Variants in SFT2D2 observed in about 807,000 individuals in gnomAD.
The protein encoded by SFT2D2 is vesicle transport protein SFT2B.
A neutral mutation model predicts 27.4 loss-of-function variants in SFT2D2; 21 were observed. That is an observed-to-expected ratio of 0.77 (90% confidence interval 0.54 to 1.10). The LOEUF (loss-of-function observed/expected upper bound fraction) is 1.10. Among genes scored for constraint, SFT2D2 ranks in the 50% least tolerant of loss-of-function variants. The pLI is 0.00. For synonymous variants in SFT2D2, 72 were observed against 71.7 expected, an observed-to-expected ratio of 1.00 and a Z score of -0.02; for missense variants, 187 against 194.2, an observed-to-expected ratio of 0.96 and a Z score of 0.22.
At chr1:168,235,999 G>A (rs1428594240) in intron 4 of SFT2D2, among the ~76,000 whole-genome samples, 1 of 152,226 alleles carries the variant, frequency 6.6e-6, no homozygotes, top group African/African-American at 2.4e-5. Flanking sequence ...TATTTGAGTA[G>A]TTATTGTTAT....
At chr1:168,237,841 A>G (rs537400662) in intron 6 of SFT2D2, among the ~76,000 whole-genome samples, 20 of 148,026 alleles carry the variant, frequency 1.4e-4, no homozygotes, top group African/African-American at 4.5e-4. Flanking sequence ...GTTTGTGTTT[A>G]TGTGTGTGTG....
In SFT2D2 at chr1:168,244,202, GAGT is replaced by G. The variant is rs1647735193; in HGVS notation, c.*1663_*1665del. 1 of 151,510 alleles carries G rather than the reference GAGT, an allele frequency of 6.6e-6. No homozygotes were observed. The highest frequency in any genetic ancestry group is 1.9e-4 in the East Asian group (1 of 5,168). 9.4% of individuals were successfully genotyped at this position (151,510 alleles called of 1,614,324 possible). A position where few individuals can be genotyped will look rare whatever the true frequency, so the allele number is the denominator to read the frequency against. On this transcript the variant is annotated 3_prime_UTR_variant, in exon 8 of 8. Coordinates refer to ENST00000271375, the MANE Select transcript of SFT2D2 (RefSeq NM_199344.3). ...TTTTTTTTTTTTTCTTTTTGAGATG[GAGT>G]CTCACTCCGTCGCCCAGGCTGGAGT...
rs1450883099 is a variant in SFT2D2 at position 168,248,533 on chromosome 1, TCAATAC to T, written c.*5995_*6000del. On this transcript the variant is annotated 3_prime_UTR_variant, in exon 8 of 8. Coordinates refer to ENST00000271375, the MANE Select transcript of SFT2D2 (RefSeq NM_199344.3). ...TCTTCTTATTTTGAGATGCGTTCCA[TCAATAC>T]CTGGTTTATTGAGAGTTTTTAGCAT... The T allele has an allele frequency of 6.6e-6, 1 of 152,230 alleles. No individual in the cohort carries two copies. The highest frequency in any genetic ancestry group is 2.4e-5 in the African/African-American group (1 of 41,458). The allele number at this position is 152,230 out of a possible 1,614,324, so 9.4% of individuals were successfully genotyped here.
chr1:168,231,488 A>G (rs543178280), intron 1 of SFT2D2, 26 bp from the exon 2 acceptor site: 16 of 1,549,960 alleles, frequency 1.0e-5, no homozygotes, highest in Non-Finnish European at 1.4e-5. Context: ...GTGTGTGTAT[A>G]TGTATTTTTT....
Position 168,246,503 on chromosome 1 carries a change from T to A in SFT2D2, c.*3963T>A, listed in dbSNP as rs964281876. On this transcript the variant is annotated 3_prime_UTR_variant, in exon 8 of 8. Transcript: ENST00000271375. ...TTTTCTTTCAGAGCCTCTCTTGTGT[T>A]ATGGAGCTCAGTTTTGAGGCACCTG... 1 of 1,464,688 alleles carries A rather than the reference T, an allele frequency of 6.8e-7. No individual in the cohort carries two copies. The highest frequency in any genetic ancestry group is 1.4e-5 in the African/African-American group (1 of 71,582). 90.7% of individuals were successfully genotyped at this position (1,464,688 alleles called of 1,614,324 possible).
chr1:168,234,414 A>C (rs1008550352), intron 3 of SFT2D2, among the ~76,000 whole-genome samples: 3 of 147,758 alleles, frequency 2.0e-5, no homozygotes, highest in Admixed American at 6.6e-5. Flanking sequence ...AACAAACAAA[A>C]AAAACCCAGC....
At chr1:168,226,456 G>T (rs1043579782) in intron 1 of SFT2D2, among the ~76,000 whole-genome samples, 1 of 152,202 alleles carries the variant, frequency 6.6e-6, no homozygotes, top group African/African-American at 2.4e-5. Context: ...CACCGGCCGG[G>T]GAATGCGCTT....
intron 7 of SFT2D2, 84 bp from the exon 8 acceptor site, chr1:168,242,417 T>C (rs2102334072): frequency 6.8e-7 from 1 of 1,481,374 alleles, no homozygotes; most frequent in Non-Finnish European, 9.4e-7. Context: ...CTTTCTACTC[T>C]GCAGCTTCCA....
chr1:168,236,489 G>A (rs1647502487), intron 4 of SFT2D2, 100 bp from the exon 5 acceptor site: 2 of 1,139,762 alleles, frequency 1.8e-6, no homozygotes, highest in Admixed American at 2.2e-5. Flanking sequence ...TGAGATGAAG[G>A]ATGCATAAGT....
rs1395458589 is a variant in SFT2D2, at chr1:168,251,717, TAA to T, written c.*9178_*9179del. 2.6e-5 allele frequency: 4 copies of T among 152,074 alleles called. No individual in the cohort carries two copies. Among genetic ancestry groups the T allele is most frequent in the South Asian group, 2.1e-4 (1 of 4,828 alleles). The allele number at this position is 152,074 out of a possible 1,614,324, so 9.4% of individuals were successfully genotyped here. ...TTTTTTTTTTTTAATTTAAAAATCT[TAA>T]GTTTTTTTTAGTAAGCTTAAGATGT... On this transcript the variant is annotated 3_prime_UTR_variant, in exon 8 of 8. Transcript: ENST00000271375.
chr1:168,232,242 T>C (rs922745326), intron 3 of SFT2D2, among the ~76,000 whole-genome samples: 6 of 152,034 alleles, frequency 3.9e-5, no homozygotes, highest in African/African-American at 7.3e-5. Flanking sequence ...AGAGATTGAG[T>C]TGATGGTTTT....
intron 7 of SFT2D2, among the ~76,000 whole-genome samples, chr1:168,239,521 G>A (rs557234470): frequency 1.3e-5 from 2 of 150,808 alleles, no homozygotes; most frequent in South Asian, 4.2e-4. Context: ...AGATATGGAG[G>A]GATCTCAATT....
At position 168,245,440 on chromosome 1, in the gene SFT2D2, T is replaced by C. The variant is rs1207911885; in HGVS notation, c.*2900T>C. 1 of 152,110 alleles carries C rather than the reference T, an allele frequency of 6.6e-6. No individual in the cohort carries two copies. Among genetic ancestry groups the C allele is most frequent in the Non-Finnish European group, 1.5e-5 (1 of 68,022 alleles). 9.4% of individuals were successfully genotyped at this position (152,110 alleles called of 1,614,324 possible). ...TACACTGATAACTAAAAAGCATTGC[T>C]AAGAAAAATTAAGACCTAAGTAAAT... On this transcript the variant is annotated 3_prime_UTR_variant, in exon 8 of 8. Transcript: ENST00000271375.
Position 168,236,790 on chromosome 1 carries a change from A to G in SFT2D2, c.413+20A>G, listed in dbSNP as rs1408968854. 15 of 1,612,452 alleles carry G rather than the reference A, an allele frequency of 9.3e-6. No homozygotes were observed. The highest frequency in any genetic ancestry group is 2.2e-5 in the South Asian group (2 of 91,064). On this transcript the variant is annotated intron_variant, in intron 6 of 7. Transcript: ENST00000271375. ...GACGTGGTAAGTAACCTTTTAAACA[A>G]TCCCCTCCCACATAGCCCACTGAAT...
intron 7 of SFT2D2, among the ~76,000 whole-genome samples, chr1:168,240,377 G>A (rs940391697): frequency 2.0e-5 from 3 of 152,062 alleles, no homozygotes; most frequent in African/African-American, 4.8e-5. Flanking sequence ...TTCTAGGAGG[G>A]TAACAGTTAT....
intron 7 of SFT2D2, among the ~76,000 whole-genome samples, chr1:168,240,709 C>G (rs906482264): frequency 2.6e-5 from 4 of 152,100 alleles, no homozygotes; most frequent in Non-Finnish European, 5.9e-5. Context: ...GTCAGGAGTT[C>G]AAGACCAGCT....
intron 7 of SFT2D2, among the ~76,000 whole-genome samples, chr1:168,241,139 T>A (rs1647633193): frequency 6.6e-6 from 1 of 151,836 alleles, no homozygotes; most frequent in African/African-American, 2.4e-5. Context: ...GAGTTTCATG[T>A]GCTGAGGAGA....
In SFT2D2 at chr1:168,246,726, C is replaced by T. The variant is rs1383956612; in HGVS notation, c.*4186C>T. 1.1e-6 allele frequency: 1 copy of T among 940,070 alleles called. No individual in the cohort carries two copies. The highest frequency in any genetic ancestry group is 1.8e-5 in the Admixed American group (1 of 54,348). 58.2% of individuals were successfully genotyped at this position (940,070 alleles called of 1,614,324 possible). On this transcript the variant is annotated 3_prime_UTR_variant, in exon 8 of 8. Coordinates refer to ENST00000271375, the MANE Select transcript of SFT2D2 (RefSeq NM_199344.3). ...ATGATTCCATTTCGTCAGTCTTTGC[C>T]TGCTTTGTTTTTCCTTCTCCAGTTT...
Position 168,235,111 on chromosome 1 carries a change from C to G in SFT2D2, c.247C>G (p.Leu83Val). The G allele has an allele frequency of 1.2e-6, 2 of 1,614,156 alleles. No individual in the cohort carries two copies. The highest frequency in any genetic ancestry group is 1.7e-6 in the Non-Finnish European group (2 of 1,180,012). ...GTGTTTGCCTTTTAGTACCATCTTCCTCATGGGACCAGTGAAACAGCTGAA... is the reference window on the plus strand; with the variant it reads ...GTGTTTGCCTTTTAGTACCATCTTCGTCATGGGACCAGTGAAACAGCTGAA... ...NIASIGSTIF[L>V]MGPVKQLKRM... Residue 83 changes from leucine to valine, a missense_variant, in exon 4 of 8, where the codon CTC becomes GTC. By Grantham distance (32) the Leu-to-Val change is conservative. Transcript: ENST00000271375.
Sources: allele counts gnomAD v4.1 joint callset (sites outside exome capture counted in the v4.1 genomes callset), GRCh38; gene constraint gnomAD v4.1.1; transcripts MANE v1.5; gene names NCBI Gene and HGNC (gene_info 2026-07-23, HGNC 2026-07-21).